NXPH2: variants seen among roughly 807,000 people sequenced by gnomAD.
NXPH2 encodes the protein neurexophilin-2.
In NXPH2, 5 loss-of-function variants were observed where a neutral mutation model predicts 19.8. The observed-to-expected ratio is 0.25, with a 90% confidence interval of 0.13 to 0.53. NXPH2 has a LOEUF of 0.53. NXPH2 is among the 20% of genes least tolerant of loss of function. The pLI is 0.96. For synonymous variants in NXPH2, 154 were observed against 127.4 expected (o/e 1.21, Z -1.41); for missense variants, 289 against 322.8 (o/e 0.90, Z 0.80).
intron 1 of NXPH2, among the ~76,000 whole-genome samples, chr2:138,711,329 C>T (rs1164311855): frequency 1.3e-5 from 2 of 151,666 alleles, no homozygotes; most frequent in African/African-American, 4.8e-5. Flanking sequence ...TTAGTAGAGA[C>T]AGGGTTTCAC....
intron 1 of NXPH2, among the ~76,000 whole-genome samples, chr2:138,715,096 A>G (rs1681173803): frequency 6.6e-6 from 1 of 152,214 alleles, no homozygotes; most frequent in Non-Finnish European, 1.5e-5. Context: ...TCATCCGAGC[A>G]TGCTAAAAAG....
chr2:138,745,427 T>G (rs1430990085), intron 1 of NXPH2, among the ~76,000 whole-genome samples: 1 of 149,922 alleles, frequency 6.7e-6, no homozygotes, highest in East Asian at 2.0e-4. Context: ...AAGCTAATTG[T>G]GTACTGGCCA....
At chr2:138,779,191 C>G (rs1432203921) in intron 1 of NXPH2, among the ~76,000 whole-genome samples, 2 of 152,210 alleles carry the variant, frequency 1.3e-5, no homozygotes, top group East Asian at 3.9e-4. Context: ...ACCAAAGAAA[C>G]TATGGCATCA....
At chr2:138,700,830 G>C (rs4954950) in intron 1 of NXPH2, among the ~76,000 whole-genome samples, 142,698 of 152,028 alleles carry the variant, frequency 0.94, 67,250 homozygotes, top group East Asian at 1. Context: ...CTGTAATTAT[G>C]TGTTGGTTCA....
chr2:138,771,263 C>T (rs1041061556), intron 1 of NXPH2, among the ~76,000 whole-genome samples: 1 of 152,014 alleles, frequency 6.6e-6, no homozygotes, highest in African/African-American at 2.4e-5. Flanking sequence ...ATATAAGTTG[C>T]TCTATCAAAG....
chr2:138,716,332 T>G (rs1681194930), intron 1 of NXPH2, among the ~76,000 whole-genome samples: 1 of 152,164 alleles, frequency 6.6e-6, no homozygotes, highest in African/African-American at 2.4e-5. Flanking sequence ...GATGGGAGCA[T>G]GAAGGTGGAG....
chr2:138,761,451 C>T (rs1682015980), intron 1 of NXPH2, among the ~76,000 whole-genome samples: 1 of 152,218 alleles, frequency 6.6e-6, no homozygotes, highest in African/African-American at 2.4e-5. Context: ...TGTCATTTGG[C>T]TACATTTCTT....
At chr2:138,720,782 C>T (rs1681267898) in intron 1 of NXPH2, among the ~76,000 whole-genome samples, 1 of 152,150 alleles carries the variant, frequency 6.6e-6, no homozygotes, top group Non-Finnish European at 1.5e-5. Context: ...AGCTTCAGTT[C>T]CTTTATCTGT....
intron 1 of NXPH2, among the ~76,000 whole-genome samples, chr2:138,712,619 T>G (rs950810413): frequency 6.6e-6 from 1 of 152,178 alleles, no homozygotes; most frequent in Admixed American, 6.5e-5. Flanking sequence ...ACTAAATATG[T>G]CTAAGTATAC....
At chr2:138,764,482 A>T (rs755812920) in intron 1 of NXPH2, among the ~76,000 whole-genome samples, 1 of 152,324 alleles carries the variant, frequency 6.6e-6, no homozygotes, top group Non-Finnish European at 1.5e-5. Context: ...AGAAAGAAGA[A>T]TTTAGAGGAA....
chr2:138,731,743 T>G (rs1337582857), intron 1 of NXPH2, among the ~76,000 whole-genome samples: 1 of 151,940 alleles, frequency 6.6e-6, no homozygotes, highest in Non-Finnish European at 1.5e-5. Context: ...GGACCCAAGA[T>G]CAGCATTCAT....
intron 1 of NXPH2, among the ~76,000 whole-genome samples, chr2:138,741,401 G>A (rs1490607460): frequency 6.6e-6 from 1 of 152,132 alleles, no homozygotes; most frequent in Non-Finnish European, 1.5e-5. Context: ...GAGCTCCTGT[G>A]GCTGACCTTT....
At chr2:138,682,706 G>A (rs1010494749) in intron 1 of NXPH2, among the ~76,000 whole-genome samples, 1 of 152,152 alleles carries the variant, frequency 6.6e-6, no homozygotes, top group Non-Finnish European at 1.5e-5. Context: ...AAACATAAAT[G>A]TGAAGACAGA....
chr2:138,723,733 T>C (rs950818072), intron 1 of NXPH2, among the ~76,000 whole-genome samples: 1 of 152,154 alleles, frequency 6.6e-6, no homozygotes, highest in Admixed American at 6.6e-5. Context: ...GAGGTGGTGC[T>C]GGAGAGAAGC....
chr2:138,764,356 C>G (rs1004910232), intron 1 of NXPH2, among the ~76,000 whole-genome samples: 3 of 152,156 alleles, frequency 2.0e-5, no homozygotes, highest in Admixed American at 1.3e-4. Flanking sequence ...GGTTCCAGCC[C>G]AGAGACACTG....
chr2:138,719,234 A>T (rs1464458174), intron 1 of NXPH2, among the ~76,000 whole-genome samples: 1 of 152,172 alleles, frequency 6.6e-6, no homozygotes, highest in South Asian at 2.1e-4. Flanking sequence ...ATCCACAATT[A>T]TATATACTTA....
At chr2:138,680,958 C>T (rs1680571668) in intron 1 of NXPH2, among the ~76,000 whole-genome samples, 2 of 152,094 alleles carry the variant, frequency 1.3e-5, no homozygotes, top group African/African-American at 2.4e-5. Flanking sequence ...AAACAGGCTC[C>T]GATGTTCAGT....
chr2:138,727,383 G>T (rs1681375784), intron 1 of NXPH2, among the ~76,000 whole-genome samples: 1 of 152,128 alleles, frequency 6.6e-6, no homozygotes, highest in South Asian at 2.1e-4. Flanking sequence ...CAACATCCTT[G>T]CCAGGATATA....
intron 1 of NXPH2, among the ~76,000 whole-genome samples, chr2:138,719,842 T>C (rs1681249218): frequency 6.6e-6 from 1 of 152,238 alleles, no homozygotes; most frequent in Admixed American, 6.5e-5. Flanking sequence ...TTTCATATTG[T>C]AACATCCCAC....
Sources: gnomAD v4.1 joint callset for allele counts (sites outside exome capture counted in the v4.1 genomes callset) on GRCh38, gnomAD v4.1.1 for gene constraint, MANE v1.5 for transcripts, NCBI Gene and HGNC (gene_info 2026-07-23, HGNC 2026-07-21) for gene names.